Variants in CORO2B observed in about 807,000 individuals in gnomAD.
CORO2B encodes the protein coronin-2B.
CORO2B carries 26 observed loss-of-function variants against 58.8 expected under a neutral mutation model. The observed-to-expected ratio is 0.44, with a 90% CI of 0.32 to 0.61. The LOEUF is 0.61. CORO2B is among the 20% of genes least tolerant of loss of function. CORO2B has a pLI of 0.04. For missense variants in CORO2B, 460 were observed against 645.1 expected (o/e 0.71, Z 3.11); for synonymous variants, 242 against 253.8 (o/e 0.95, Z 0.44).
chr15:68,688,360 TAAA>T (rs1903057160), intron 2 of CORO2B, among the ~76,000 whole-genome samples: 1 of 152,226 alleles, frequency 6.6e-6, no homozygotes, highest in African/African-American at 2.4e-5. Flanking sequence ...TTGAGCATTC[TAAA>T]TCCAAAAACC....
chr15:68,556,214 G>A, the CORO2B span, among the ~76,000 whole-genome samples: 2 of 152,212 alleles, frequency 1.3e-5, no homozygotes, highest in East Asian at 3.9e-4. Context: ...ATGCGTGGCA[G>A]GAAGAAAGAC....
In CORO2B at chr15:68,608,408, A is replaced by G. The variant is rs1900173857; in HGVS notation, c.15+29131A>G. On this transcript the variant is annotated intron_variant, in intron 1 of 11. Coordinates refer to ENST00000261861, the MANE Select transcript of CORO2B (RefSeq NM_006091.5). The stretch of plus-strand genomic sequence containing the variant: ...CCCCTGGAGGACTTCGGCCTGAAGG[A>G]CAACTCCCCTGGCCAGGCCAGGCAG... 3.3e-5 allele frequency among the ~76,000 whole-genome samples: 5 copies of G among 152,212 alleles called. No individual in the cohort carries two copies. In the South Asian group the frequency reaches 1.0e-3, roughly 32 times the overall value.
chr15:68,543,988 G>A, the CORO2B span, among the ~76,000 whole-genome samples: 12 of 152,292 alleles, frequency 7.9e-5, no homozygotes, highest in African/African-American at 2.6e-4. Context: ...GACCAGTCAC[G>A]TGTTTCTCTG....
intron 1 of CORO2B, among the ~76,000 whole-genome samples, chr15:68,603,547 C>T (rs956542091): frequency 6.6e-6 from 1 of 151,998 alleles, no homozygotes; most frequent in South Asian, 2.1e-4. Context: ...TATGTTGAAG[C>T]CCTAACCCCC....
intron 1 of CORO2B, among the ~76,000 whole-genome samples, chr15:68,637,993 A>C (rs558457516): frequency 6.6e-6 from 1 of 152,290 alleles, no homozygotes; most frequent in Admixed American, 6.5e-5. Flanking sequence ...CATAGTGATT[A>C]TCTCAGAGGG....
chr15:68,659,015 A>G (rs1284789621), intron 2 of CORO2B, among the ~76,000 whole-genome samples: 1 of 152,236 alleles, frequency 6.6e-6, no homozygotes, highest in Non-Finnish European at 1.5e-5. Context: ...ACCCACTTAG[A>G]ATAACTTATC....
chr15:68,688,968 C>T (rs1892290762), intron 2 of CORO2B, among the ~76,000 whole-genome samples: 1 of 151,676 alleles, frequency 6.6e-6, no homozygotes, highest in Non-Finnish European at 1.5e-5. Context: ...ATCTCAAAGA[C>T]ACCCTATCTG....
At chr15:68,589,317 T>C (rs1245772996) in intron 1 of CORO2B, among the ~76,000 whole-genome samples, 1 of 152,250 alleles carries the variant, frequency 6.6e-6, no homozygotes, top group African/African-American at 2.4e-5. Context: ...TTCTTTTTAG[T>C]AGCTTTCACA....
the CORO2B span, among the ~76,000 whole-genome samples, chr15:68,531,501 AAGGAAGGAAGGAAGG>A: frequency 2.1e-4 from 1 of 4,682 alleles, no homozygotes; most frequent in Non-Finnish European, 5.0e-4. Flanking sequence ...TATCTCAAAA[AAGGAAGGAAGGAAGG>A]AAGGAAGGAA....
Position 68,579,232 on chromosome 15 carries a change from C to CA in CORO2B, c.-31_-30insA. 8.9e-7 allele frequency: 1 copy of CA among 1,125,278 alleles called. No individual in the cohort carries two copies. The highest frequency in any genetic ancestry group is 1.1e-6 in the Non-Finnish European group (1 of 921,310). 69.7% of individuals were successfully genotyped at this position (1,125,278 alleles called of 1,614,324 possible). Reference sequence around the variant, plus strand: ...CCGCCGCCGCCCCCGCACGCCGCGCCCGCGCCCCCGCTCCGCCGCGGAGTT... The same window carrying CA: ...CCGCCGCCGCCCCCGCACGCCGCGCCACGCGCCCCCGCTCCGCCGCGGAGTT... On this transcript the variant is annotated 5_prime_UTR_variant, in exon 1 of 12. Coordinates refer to ENST00000261861, the MANE Select transcript of CORO2B (RefSeq NM_006091.5).
intron 11 of CORO2B, among the ~76,000 whole-genome samples, chr15:68,720,260 A>G: frequency 6.6e-6 from 1 of 152,146 alleles, no homozygotes; most frequent in East Asian, 1.9e-4. Flanking sequence ...TTATAAGTCC[A>G]TTTCCTTGTG....
intron 2 of CORO2B, among the ~76,000 whole-genome samples, chr15:68,669,294 G>A (rs935930789): frequency 1.3e-5 from 2 of 152,192 alleles, no homozygotes; most frequent in African/African-American, 2.4e-5. Context: ...AGGTGAAGGC[G>A]ACTTGGAGCC....
chr15:68,669,482 T>C (rs1255372805), intron 2 of CORO2B, among the ~76,000 whole-genome samples: 1 of 152,178 alleles, frequency 6.6e-6, no homozygotes, highest in East Asian at 1.9e-4. Flanking sequence ...GTTCTCTGAC[T>C]GAAATTGCAG....
intron 3 of CORO2B, among the ~76,000 whole-genome samples, chr15:68,703,578 A>G (rs1892711625): frequency 6.6e-6 from 1 of 152,040 alleles, no homozygotes; most frequent in South Asian, 2.1e-4. Context: ...CCCATGGTGA[A>G]CTCCAACTCC....
chr15:68,583,838 C>T (rs752428698), intron 1 of CORO2B, among the ~76,000 whole-genome samples: 2 of 152,216 alleles, frequency 1.3e-5, no homozygotes, highest in Non-Finnish European at 2.9e-5. Context: ...GAAGAGGAAG[C>T]GGGGGTACCA....
At chr15:68,576,168 A>AAG (rs1459950511), upstream of CORO2B, among the ~76,000 whole-genome samples, 1 of 148,426 alleles carries the variant, frequency 6.7e-6, no homozygotes, top group East Asian at 1.9e-4. Flanking sequence ...AAAAAAAAAA[A>AAG]AAAAAAAAGA....
chr15:68,717,512 G>A lies in CORO2B; in HGVS notation c.968-1186G>A, dbSNP rs116831207. ...TGTCAGCAGGACTTGCTAAGGTATC[G>A]GATATGGAGGGGTGGAGAGGAAAGA... is the stretch of plus-strand genomic sequence containing the variant. On this transcript the variant is annotated intron_variant, in intron 8 of 11. Coordinates refer to ENST00000261861, the MANE Select transcript of CORO2B (RefSeq NM_006091.5). Among the ~76,000 whole-genome samples the A allele has an allele frequency of 5.6e-3, 851 of 152,264 alleles. 13 individuals carry two copies. Among genetic ancestry groups the A allele is most frequent in the African/African-American group, 0.019 (809 of 41,548 alleles).
At position 68,710,656 on chromosome 15, in the gene CORO2B, C is replaced by A; in HGVS notation, c.334-76C>A. On this transcript the variant is annotated intron_variant, in intron 3 of 11. Transcript: ENST00000261861. This position sits in a 1 kb window ranked among gnomAD's most constrained non-coding sequence, Gnocchi z 4.1. ...GGCAGATCTCAGAAAGCCTGGTGTCCGAGGAAAGGGGCACCTCTCATCAAG... is the reference window on the plus strand; with the variant it reads ...GGCAGATCTCAGAAAGCCTGGTGTCAGAGGAAAGGGGCACCTCTCATCAAG... 1 of 1,399,690 alleles carries A rather than the reference C, an allele frequency of 7.1e-7. No homozygotes were observed. The highest frequency in any genetic ancestry group is 9.4e-7 in the Non-Finnish European group (1 of 1,066,656). The allele number at this position is 1,399,690 out of a possible 1,614,324, so 86.7% of individuals were successfully genotyped here.
At chr15:68,723,652 C>T (rs181700552) in intron 11 of CORO2B, among the ~76,000 whole-genome samples, 2,064 of 152,088 alleles carry the variant, frequency 0.014, 44 homozygotes, top group African/African-American at 0.048. Context: ...TGGGGTTTCA[C>T]CATCTTGGCC....
Sources: allele counts gnomAD v4.1 joint callset (sites outside exome capture counted in the v4.1 genomes callset), GRCh38; gene constraint gnomAD v4.1.1; non-coding constraint Gnocchi (gnomAD v3.1); transcripts MANE v1.5; gene names NCBI Gene and HGNC (gene_info 2026-07-23, HGNC 2026-07-21).